CCDC39: variants seen among roughly 807,000 people sequenced by gnomAD.
CCDC39 encodes the protein coiled-coil domain-containing protein 39.
CCDC39 carries 113 observed loss-of-function variants against 121.0 expected under a neutral mutation model. The observed-to-expected ratio is 0.93, with a 90% CI of 0.80 to 1.09. The LOEUF (loss-of-function observed/expected upper bound fraction) is 1.09. Among genes scored for constraint, CCDC39 ranks in the 50% least tolerant of loss-of-function variants. CCDC39 has a pLI of 0.00. For synonymous variants in CCDC39, 349 were observed against 352.2 expected, an observed-to-expected ratio of 0.99 and a Z score of 0.10; for missense variants, 1,063 against 1,074.7, an observed-to-expected ratio of 0.99 and a Z score of 0.15.
intron 1 of CCDC39, among the ~76,000 whole-genome samples, chr3:180,671,210 CA>C (rs67323828): frequency 0.3 from 23,162 of 78,478 alleles, 1,848 homozygotes; most frequent in East Asian, 0.45. Flanking sequence ...GACTCTGTGT[CA>C]AAAAAAAAAA....
At chr3:180,671,122 G>C (rs1014938844) in intron 1 of CCDC39, among the ~76,000 whole-genome samples, 1 of 149,128 alleles carries the variant, frequency 6.7e-6, no homozygotes, top group African/African-American at 2.5e-5. Context: ...TGAGGCACAA[G>C]AATGCTTGAG....
Position 180,642,212 on chromosome 3 carries a change from A to T in CCDC39, c.1666-11T>A, listed in dbSNP as rs776871351. 10 of 1,518,374 alleles carry T rather than the reference A, an allele frequency of 6.6e-6. No individual in the cohort carries two copies. In the East Asian group the frequency reaches 2.3e-4, roughly 35 times the overall value. The allele number at this position is 1,518,374 out of a possible 1,614,324, so 94.1% of individuals were successfully genotyped here. A position where few individuals can be genotyped will look rare whatever the true frequency, so the allele number is the denominator to read the frequency against. On this transcript the variant is annotated splice_polypyrimidine_tract_variant and intron_variant, in intron 12 of 19. Coordinates refer to ENST00000476379, the MANE Select transcript of CCDC39 (RefSeq NM_181426.2). ...CTCTATCATCAAATCCTATCAACGT[A>T]ACAAAATGGTCAAATATTGAAATTA...
At chr3:180,664,940 T>G (rs957147214) in intron 1 of CCDC39, among the ~76,000 whole-genome samples, 1 of 152,000 alleles carries the variant, frequency 6.6e-6, no homozygotes, top group Non-Finnish European at 1.5e-5. Context: ...ACTCCTGACC[T>G]TAGGTGATCT....
intron 11 of CCDC39, among the ~76,000 whole-genome samples, chr3:180,646,339 T>A (rs1210346147): frequency 6.6e-6 from 1 of 152,052 alleles, no homozygotes; most frequent in Non-Finnish European, 1.5e-5. Context: ...TTAGGGCAAT[T>A]CTTTTTATAA....
In CCDC39 at chr3:180,679,003, G is replaced by T. The variant is rs534335426; in HGVS notation, c.90+288C>A. The stretch of plus-strand genomic sequence containing the variant: ...CGCCGGAACCAGCCTTTCCTCTCTC[G>T]CCAGGAGGAACGAAATAAGTAAGAG... On this transcript the variant is annotated intron_variant, in intron 1 of 19. Transcript: ENST00000476379. This position sits in a 1 kb window ranked among gnomAD's most constrained non-coding sequence, Gnocchi z 4.0. Among the ~76,000 whole-genome samples the T allele has an allele frequency of 2.6e-5, 4 of 152,236 alleles. No individual in the cohort carries two copies. The highest frequency in any genetic ancestry group is 7.2e-5 in the African/African-American group (3 of 41,540).
intron 14 of CCDC39, among the ~76,000 whole-genome samples, chr3:180,623,498 GTTT>G (rs1560081641): frequency 6.6e-6 from 1 of 151,696 alleles, no homozygotes; most frequent in Non-Finnish European, 1.5e-5. Flanking sequence ...CTTTGGTTTG[GTTT>G]TGTTTTTTTT....
intron 3 of CCDC39, 89 bp from the exon 4 acceptor site, chr3:180,660,817 G>A (rs756256086): frequency 3.1e-5 from 36 of 1,160,382 alleles, no homozygotes; most frequent in Non-Finnish European, 4.1e-5. Context: ...ATATACTATG[G>A]AGCAAAATTA....
At chr3:180,625,033 G>A (rs551859862) in intron 14 of CCDC39, among the ~76,000 whole-genome samples, 2 of 151,480 alleles carry the variant, frequency 1.3e-5, no homozygotes, top group East Asian at 3.9e-4. Context: ...ATTTTCCTGG[G>A]GATTGCTGGG....
At chr3:180,618,952 CTT>C (rs1176356225) in intron 16 of CCDC39, among the ~76,000 whole-genome samples, 4 of 152,076 alleles carry the variant, frequency 2.6e-5, no homozygotes, top group African/African-American at 9.7e-5. Context: ...AAGGAGCAAT[CTT>C]AATGTGATCT....
At chr3:180,630,095 C>T (rs79891944) in intron 14 of CCDC39, among the ~76,000 whole-genome samples, 3,109 of 152,176 alleles carry the variant, frequency 0.02, 55 homozygotes, top group Non-Finnish European at 0.031. Flanking sequence ...GTAACTTATT[C>T]CTGGTCACCT....
At position 180,644,100 on chromosome 3, in the gene CCDC39, T is replaced by C. The variant is rs1438064711; in HGVS notation, c.1665+20A>G. 6.6e-6 allele frequency: 10 copies of C among 1,516,262 alleles called. No homozygotes were observed. The highest frequency in any genetic ancestry group is 8.0e-6 in the Non-Finnish European group (9 of 1,127,722). The allele number at this position is 1,516,262 out of a possible 1,614,324, so 93.9% of individuals were successfully genotyped here. A position where few individuals can be genotyped will look rare whatever the true frequency, so the allele number is the denominator to read the frequency against. ...GAAACATGGTTTTCAATACTACATATGCATACAATTTTACTGCACCTGCTT... is the reference window on the plus strand; with the variant it reads ...GAAACATGGTTTTCAATACTACATACGCATACAATTTTACTGCACCTGCTT... On this transcript the variant is annotated intron_variant, in intron 12 of 19. Transcript: ENST00000476379.
chr3:180,666,545 T>C (rs1469129812), intron 1 of CCDC39, among the ~76,000 whole-genome samples: 2 of 152,186 alleles, frequency 1.3e-5, no homozygotes, highest in Non-Finnish European at 2.9e-5. Flanking sequence ...TTTAAGTAAT[T>C]AGCTTTTGTG....
Position 180,639,001 on chromosome 3 carries a change from T to C in CCDC39, c.1874+2992A>G, listed in dbSNP as rs566354128. 6.6e-5 allele frequency among the ~76,000 whole-genome samples: 10 copies of C among 152,282 alleles called. No homozygotes were observed. The South Asian group carries it at 1.9e-3, about 28-fold the overall frequency. ...CATATGTCCATACCAAGAACACATA[T>C]GTTCATAGTACCTTTGTTTATAATA... On this transcript the variant is annotated intron_variant, in intron 13 of 19. Coordinates refer to ENST00000476379, the MANE Select transcript of CCDC39 (RefSeq NM_181426.2).
In CCDC39 at chr3:180,622,498, G is replaced by A. The variant is rs906964329; in HGVS notation, c.1999-2528C>T. Among the ~76,000 whole-genome samples the A allele has an allele frequency of 2.6e-5, 4 of 152,068 alleles. No individual in the cohort carries two copies. In the South Asian group the frequency reaches 6.2e-4, roughly 24 times the overall value. On this transcript the variant is annotated intron_variant, in intron 14 of 19. Transcript: ENST00000476379. ...ATCCTTGTCTTGTTCTAATTCTTACGGGAAATGCCTTCAGCTCTTTCCCCA... is the reference window on the plus strand; with the variant it reads ...ATCCTTGTCTTGTTCTAATTCTTACAGGAAATGCCTTCAGCTCTTTCCCCA...
intron 13 of CCDC39, among the ~76,000 whole-genome samples, chr3:180,637,449 G>C (rs1421341943): frequency 6.6e-6 from 1 of 152,184 alleles, no homozygotes; most frequent in East Asian, 1.9e-4. Flanking sequence ...TGAGGTTGCA[G>C]AGAAAAAGGA....
In CCDC39 at chr3:180,670,790, T is replaced by C. The variant is rs1302461788; in HGVS notation, c.91-6804A>G. 2.0e-5 allele frequency among the ~76,000 whole-genome samples: 3 copies of C among 152,248 alleles called. No homozygotes were observed. The South Asian group carries it at 6.2e-4, about 32-fold the overall frequency. ...AGTGAAATATGAGGTGGGTCTAGAC[T>C]CAAAGGCAGGGCTTCAACCAAATTG... On this transcript the variant is annotated intron_variant, in intron 1 of 19. Transcript: ENST00000476379.
intron 6 of CCDC39, among the ~76,000 whole-genome samples, chr3:180,655,527 T>G (rs1711559138): frequency 6.6e-6 from 1 of 150,480 alleles, no homozygotes; most frequent in South Asian, 2.1e-4. Flanking sequence ...TTCCTGGCTT[T>G]CCAGGATAGG....
intron 1 of CCDC39, among the ~76,000 whole-genome samples, chr3:180,678,821 G>A (rs1369997431): frequency 6.6e-6 from 1 of 152,102 alleles, no homozygotes; most frequent in Non-Finnish European, 1.5e-5. Flanking sequence ...AACATCTCAA[G>A]TCACTTTCAG....
chr3:180,634,447 C>T (rs1717778902), intron 13 of CCDC39, among the ~76,000 whole-genome samples: 1 of 152,164 alleles, frequency 6.6e-6, no homozygotes, highest in African/African-American at 2.4e-5. Context: ...ACTACCTCAT[C>T]CTGGGTTTAT....
Sources: allele counts gnomAD v4.1 joint callset (sites outside exome capture counted in the v4.1 genomes callset), GRCh38; gene constraint gnomAD v4.1.1; non-coding constraint Gnocchi (gnomAD v3.1); transcripts MANE v1.5; gene names NCBI Gene and HGNC (gene_info 2026-07-23, HGNC 2026-07-21).